The following CLMP variants were observed in gnomAD, a reference collection of about 807,000 sequenced individuals.
CLMP encodes the protein CXADR like cell adhesion molecule, also known as CXADR-like membrane protein.
A neutral mutation model predicts 45.2 loss-of-function variants in CLMP; 27 were observed. The ratio of observed to expected loss-of-function variants is 0.60; its 90% CI spans 0.44 to 0.82. CLMP has a LOEUF of 0.82. Ranked by LOEUF, CLMP falls within the 40% of genes least tolerant of loss-of-function variation. The probability of loss-of-function intolerance (pLI) is 0.00; values close to 1 mark genes in which losing one functional copy is unlikely to be tolerated. For synonymous variants in CLMP, 167 were observed against 171.4 expected (o/e 0.97, Z 0.20); for missense variants, 403 against 448.4 (o/e 0.90, Z 0.91).
rs1158216058 is a variant in CLMP, at chr11:123,111,050, G to A, written c.29-13098C>T. Among the ~76,000 whole-genome samples the A allele has an allele frequency of 3.3e-5, 5 of 152,294 alleles. No individual in the cohort carries two copies. In the East Asian group the frequency reaches 9.7e-4, roughly 29 times the overall value. ...ATTCAAGGCCCTGTCTTAGTTGAAT[G>A]TGATGCGAAATATAAAATACAAGTG... On this transcript the variant is annotated intron_variant, in intron 1 of 6. Coordinates refer to ENST00000448775, the MANE Select transcript of CLMP (RefSeq NM_024769.5).
intron 1 of CLMP, among the ~76,000 whole-genome samples, chr11:123,139,166 C>G (rs978492584): frequency 2.0e-5 from 3 of 151,942 alleles, no homozygotes; most frequent in Admixed American, 6.6e-5. Context: ...CTTATAAAGC[C>G]TAAAATATTT....
Position 123,123,740 on chromosome 11 carries a change from C to A in CLMP, c.29-25788G>T, listed in dbSNP as rs536254067. The stretch of plus-strand genomic sequence containing the variant: ...TGTGAGAATAGACACAATCCATACA[C>A]AATTCCTGACTCCTGTCCTCATGTA... On this transcript the variant is annotated intron_variant, in intron 1 of 6. Coordinates refer to ENST00000448775, the MANE Select transcript of CLMP (RefSeq NM_024769.5). Among the ~76,000 whole-genome samples the A allele has an allele frequency of 2.6e-5, 4 of 152,278 alleles. No homozygotes were observed. The South Asian group carries it at 8.3e-4, about 32-fold the overall frequency.
At chr11:123,114,014 A>G (rs1565386210) in intron 1 of CLMP, among the ~76,000 whole-genome samples, 1 of 152,142 alleles carries the variant, frequency 6.6e-6, no homozygotes, top group Non-Finnish European at 1.5e-5. Context: ...AGAGATCCAG[A>G]TCTCATGCTA....
At chr11:123,191,772 C>T (rs928164697) in intron 1 of CLMP, among the ~76,000 whole-genome samples, 2 of 152,120 alleles carry the variant, frequency 1.3e-5, no homozygotes, top group East Asian at 3.9e-4. Flanking sequence ...TTCAAAAATC[C>T]AATTATCTCT....
intron 1 of CLMP, among the ~76,000 whole-genome samples, chr11:123,151,522 T>G (rs1362036459): frequency 1.3e-5 from 2 of 152,218 alleles, no homozygotes; most frequent in African/African-American, 4.8e-5. Flanking sequence ...TTGCTGTGTA[T>G]CAGGTATACA....
intron 1 of CLMP, among the ~76,000 whole-genome samples, chr11:123,142,589 T>C (rs1861176235): frequency 6.6e-6 from 1 of 151,556 alleles, no homozygotes; most frequent in Non-Finnish European, 1.5e-5. Context: ...CTAGGAACAG[T>C]TGTGGATGAG....
chr11:123,171,039 G>C (rs1861626006), intron 1 of CLMP, among the ~76,000 whole-genome samples: 1 of 152,124 alleles, frequency 6.6e-6, no homozygotes, highest in Admixed American at 6.5e-5. Context: ...AGGTCTCTGG[G>C]GACCACAGCA....
At chr11:123,113,089 T>C (rs1860665972) in intron 1 of CLMP, among the ~76,000 whole-genome samples, 1 of 152,212 alleles carries the variant, frequency 6.6e-6, no homozygotes, top group Admixed American at 6.5e-5. Context: ...CAATTTTTAA[T>C]TATTGTATAT....
At chr11:123,114,301 T>A (rs1304187569) in intron 1 of CLMP, among the ~76,000 whole-genome samples, 1 of 152,122 alleles carries the variant, frequency 6.6e-6, no homozygotes, top group African/African-American at 2.4e-5. Context: ...CACTTTCCTA[T>A]CAAAGCTAAT....
At chr11:123,163,243 A>T (rs1052641280) in intron 1 of CLMP, among the ~76,000 whole-genome samples, 7 of 152,176 alleles carry the variant, frequency 4.6e-5, no homozygotes, top group African/African-American at 1.7e-4. Context: ...CTTCAGTTGG[A>T]GAAATTTGTG....
rs1213165819 is a variant in CLMP, at chr11:123,195,124, C to T, written c.-184G>A. The stretch of plus-strand genomic sequence containing the variant: ...GTGCCCCTGGGGGCAGATGGGCTCC[C>T]GGCGCTCGCCCCACCAGCTGGCGCC... On this transcript the variant is annotated 5_prime_UTR_variant, in exon 1 of 7. Transcript: ENST00000448775. 6 of 339,916 alleles carry T rather than the reference C, an allele frequency of 1.8e-5. No homozygotes were observed. The highest frequency in any genetic ancestry group is 3.0e-5 in the Non-Finnish European group (6 of 196,946). The allele number at this position is 339,916 out of a possible 1,614,324, so 21.1% of individuals were successfully genotyped here.
At chr11:123,162,826 C>T (rs1462130261) in intron 1 of CLMP, among the ~76,000 whole-genome samples, 3 of 151,306 alleles carry the variant, frequency 2.0e-5, no homozygotes, top group South Asian at 4.2e-4. Flanking sequence ...CACTTGAGCC[C>T]GGGAGGCTCA....
intron 2 of CLMP, among the ~76,000 whole-genome samples, chr11:123,086,568 A>G (rs1865867379): frequency 6.6e-6 from 1 of 152,194 alleles, no homozygotes; most frequent in African/African-American, 2.4e-5. Flanking sequence ...GATAAAACCT[A>G]TGAACTCTGA....
chr11:123,184,823 T>C (rs2135549989), intron 1 of CLMP, among the ~76,000 whole-genome samples: 1 of 152,362 alleles, frequency 6.6e-6, no homozygotes, highest in Non-Finnish European at 1.5e-5. Flanking sequence ...TGTTCCCTCA[T>C]TCATTCATTT....
In CLMP at chr11:123,077,545, G is replaced by GTCTCAAAC. The variant is rs1419853147; in HGVS notation, c.680-2710_680-2703dup. Among the ~76,000 whole-genome samples the GTCTCAAAC allele has an allele frequency of 4.6e-5, 7 of 152,262 alleles. No homozygotes were observed. In the South Asian group the frequency reaches 1.4e-3, roughly 32 times the overall value. On this transcript the variant is annotated intron_variant, in intron 5 of 6. Coordinates refer to ENST00000448775, the MANE Select transcript of CLMP (RefSeq NM_024769.5). ...GGGATTTCTCATGTTGGTCAGGCTG[G>GTCTCAAAC]TCTCAAACTCCTGACCTCAAGTGAT... is the stretch of plus-strand genomic sequence containing the variant.
chr11:123,094,344 T>C (rs1865966797), intron 2 of CLMP, among the ~76,000 whole-genome samples: 1 of 152,080 alleles, frequency 6.6e-6, no homozygotes, highest in African/African-American at 2.4e-5. Flanking sequence ...TGAGCTCAAG[T>C]GGACCTCCTG....
At chr11:123,119,003 C>G (rs28404238) in intron 1 of CLMP, among the ~76,000 whole-genome samples, 1 of 25,190 alleles carries the variant, frequency 4.0e-5, no homozygotes, top group African/African-American at 2.0e-4. Context: ...CTTTCTTTCT[C>G]TCTCTCTCTC....
At chr11:123,177,510 G>T (rs1467598780) in intron 1 of CLMP, among the ~76,000 whole-genome samples, 4 of 152,144 alleles carry the variant, frequency 2.6e-5, no homozygotes, top group African/African-American at 9.7e-5. Flanking sequence ...TCACATGAGG[G>T]GTTCATGGGA....
chr11:123,085,584 A>G (rs1865855228), intron 2 of CLMP, among the ~76,000 whole-genome samples: 1 of 133,966 alleles, frequency 7.5e-6, no homozygotes, highest in African/African-American at 2.9e-5. Context: ...GAAATAAGAT[A>G]GCTACAAAGA....
Sources: allele counts gnomAD v4.1 joint callset (sites outside exome capture counted in the v4.1 genomes callset), GRCh38; gene constraint gnomAD v4.1.1; transcripts MANE v1.5; gene names NCBI Gene and HGNC (gene_info 2026-07-23, HGNC 2026-07-21).